Variants in PDE6A observed in about 807,000 individuals in gnomAD.
The protein encoded by PDE6A is rod cGMP-specific 3',5'-cyclic phosphodiesterase subunit alpha.
Under a neutral mutation model 106.3 loss-of-function variants are expected in PDE6A, and 84 were observed. The ratio of observed to expected loss-of-function variants is 0.79; its 90% confidence interval spans 0.66 to 0.95. The LOEUF (loss-of-function observed/expected upper bound fraction) is 0.95. PDE6A is among the 40% of genes least tolerant of loss of function. The pLI, the probability that PDE6A is intolerant of heterozygous loss-of-function variation, is 0.00. For synonymous variants in PDE6A, 394 were observed against 386.6 expected (o/e 1.02, Z -0.23); for missense variants, 1,052 against 1,084.9 (o/e 0.97, Z 0.43).
At chr5:149,869,688 A>G (rs1466709327) in intron 17 of PDE6A, among the ~76,000 whole-genome samples, 1 of 152,172 alleles carries the variant, frequency 6.6e-6, no homozygotes, top group Non-Finnish European at 1.5e-5. Context: ...GCTGTGCTGC[A>G]GGAAGGCAGC....
chr5:149,926,580 A>G (rs932466556), intron 4 of PDE6A, among the ~76,000 whole-genome samples: 2 of 152,232 alleles, frequency 1.3e-5, no homozygotes, highest in African/African-American at 4.8e-5. Flanking sequence ...TCCAGGAAAG[A>G]TTTCCTCATT....
chr5:149,901,754 G>A (rs1254516009), intron 8 of PDE6A, among the ~76,000 whole-genome samples: 3 of 152,172 alleles, frequency 2.0e-5, no homozygotes, highest in African/African-American at 7.2e-5. Context: ...TCGCATTGAT[G>A]TGGTCAAAAT....
At chr5:149,942,997 A>G (rs564822728) in intron 1 of PDE6A, among the ~76,000 whole-genome samples, 15 of 150,964 alleles carry the variant, frequency 9.9e-5, no homozygotes, top group Non-Finnish European at 1.6e-4. Flanking sequence ...TCTTAACTGC[A>G]AAGAGGCCTT....
chr5:149,932,329 G>A, intron 3 of PDE6A: 1 of 1,435,200 alleles, frequency 7.0e-7, no homozygotes, highest in Non-Finnish European at 9.8e-7. Flanking sequence ...TCATTTTGAG[G>A]GGTTGTAGGA....
At chr5:149,868,261 C>T (rs1200610845) in intron 17 of PDE6A, 103 bp from the exon 18 acceptor site, 5 of 1,170,714 alleles carry the variant, frequency 4.3e-6, no homozygotes, top group Non-Finnish European at 6.4e-6. Flanking sequence ...TAGTAGGTGA[C>T]TTTGTCTCAT....
chr5:149,885,366 G>A (rs4256335), intron 14 of PDE6A, among the ~76,000 whole-genome samples: 19,152 of 152,198 alleles, frequency 0.13, 1,305 homozygotes, highest in South Asian at 0.26. Context: ...CCTGAGCGGA[G>A]ACTCAGTTTT....
rs137853899 is a variant in PDE6A at position 149,921,689 on chromosome 5, C to A, written c.879G>T (p.Pro293=). ...AAGGTGGAACTTCACCCATCAGAACCGGCCACACATCAAAAAATTCCTAGG... is the reference window on the plus strand; with the variant it reads ...AAGGTGGAACTTCACCCATCAGAACAGGCCACACATCAAAAAATTCCTAGG... ...TKQKEFFDVW[P]VLMGEVPPYS... Residue 293 remains proline (P), a synonymous_variant, in exon 5 of 22, where the codon CCG becomes CCT. Coordinates refer to ENST00000255266, the MANE Select transcript of PDE6A (RefSeq NM_000440.3). The A allele has an allele frequency of 1.2e-6, 2 of 1,613,606 alleles. No homozygotes were observed. Among genetic ancestry groups the A allele is most frequent in the Non-Finnish European group, 1.7e-6 (2 of 1,179,668 alleles).
chr5:149,871,800 G>T (rs536858834), intron 17 of PDE6A, among the ~76,000 whole-genome samples: 133 of 152,322 alleles, frequency 8.7e-4, no homozygotes, highest in Non-Finnish European at 1.4e-3. Context: ...GTGTGGAAGG[G>T]ACAGGAGCGT....
At chr5:149,895,510 TTG>T (rs751302276) in intron 12 of PDE6A, among the ~76,000 whole-genome samples, 89 of 143,570 alleles carry the variant, frequency 6.2e-4, no homozygotes, top group Non-Finnish European at 1.1e-3. Flanking sequence ...TAAGAAGATG[TTG>T]TTGTTGTTGT....
rs1327072540 is a variant in PDE6A at position 149,868,299 on chromosome 5, A to G, written c.2136-141T>C. 7 of 793,722 alleles carry G rather than the reference A, an allele frequency of 8.8e-6. No homozygotes were observed. The East Asian group carries it at 1.9e-4, about 21-fold the overall frequency. The allele number at this position is 793,722 out of a possible 1,614,324, so 49.2% of individuals were successfully genotyped here. A position where few individuals can be genotyped will look rare whatever the true frequency, so the allele number is the denominator to read the frequency against. ...TGAGGAAAGGGCTCACCCCCATTGC[A>G]TCCAGGGGTTGGGCTTTGAAATCAA... On this transcript the variant is annotated intron_variant, in intron 17 of 21. Coordinates refer to ENST00000255266, the MANE Select transcript of PDE6A (RefSeq NM_000440.3).
intron 14 of PDE6A, among the ~76,000 whole-genome samples, chr5:149,885,731 T>C (rs1439847054): frequency 6.6e-6 from 1 of 152,242 alleles, no homozygotes; most frequent in Non-Finnish European, 1.5e-5. Context: ...CTTAATGGCT[T>C]AAAGCAATAA....
Position 149,944,184 on chromosome 5 carries a change from A to T in PDE6A, c.474+16T>A. 1 of 1,595,640 alleles carries T rather than the reference A, an allele frequency of 6.3e-7. No individual in the cohort carries two copies. The highest frequency in any genetic ancestry group is 8.6e-7 in the Non-Finnish European group (1 of 1,163,650). Reference sequence around the variant, plus strand: ...AATAATGCCCCATGCCCTCTCTCTCATGGGGAAGAGAGTACCTCCTCTGTG... The same window carrying T: ...AATAATGCCCCATGCCCTCTCTCTCTTGGGGAAGAGAGTACCTCCTCTGTG... On this transcript the variant is annotated intron_variant, in intron 1 of 21. Transcript: ENST00000255266.
chr5:149,896,565 G>C lies in PDE6A; in HGVS notation c.1474-63C>G. On this transcript the variant is annotated intron_variant, in intron 11 of 21. Coordinates refer to ENST00000255266, the MANE Select transcript of PDE6A (RefSeq NM_000440.3). ...AAGTGTTTCTGGGTGCCCACCTCCT[G>C]TCCAGCCCTGTCCCCATCCTGGGTC... is the stretch of plus-strand genomic sequence containing the variant. 3 of 1,613,868 alleles carry C rather than the reference G, an allele frequency of 1.9e-6. No individual in the cohort carries two copies. In the South Asian group the frequency reaches 3.3e-5, roughly 18 times the overall value.
chr5:149,935,989 T>G (rs1460478672), intron 1 of PDE6A, among the ~76,000 whole-genome samples: 1 of 152,052 alleles, frequency 6.6e-6, no homozygotes, highest in African/African-American at 2.4e-5. Context: ...TTGTATCTAC[T>G]AAAACTCAAA....
intron 20 of PDE6A, among the ~76,000 whole-genome samples, chr5:149,865,239 C>CAAA (rs368494356): frequency 2.7e-4 from 28 of 105,534 alleles, no homozygotes; most frequent in African/African-American, 8.6e-4. Context: ...GATTCTGTCT[C>CAAA]AAAAAAAAAA....
intron 6 of PDE6A, among the ~76,000 whole-genome samples, chr5:149,912,486 G>T (rs928341224): frequency 6.6e-6 from 1 of 152,158 alleles, no homozygotes; most frequent in Non-Finnish European, 1.5e-5. Flanking sequence ...CATGTAACTA[G>T]CTTTGACCAA....
At chr5:149,937,464 A>G (rs1754216133) in intron 1 of PDE6A, among the ~76,000 whole-genome samples, 1 of 151,858 alleles carries the variant, frequency 6.6e-6, no homozygotes, top group East Asian at 1.9e-4. Context: ...TGCAGCCTCG[A>G]CCTCCTGAGC....
At chr5:149,893,875 C>G (rs1337392184) in intron 13 of PDE6A, among the ~76,000 whole-genome samples, 3 of 152,084 alleles carry the variant, frequency 2.0e-5, no homozygotes, top group Admixed American at 2.0e-4. Flanking sequence ...ATAGCTTGCC[C>G]CTGAAAGTTC....
intron 7 of PDE6A, 54 bp downstream of exon 7, chr5:149,907,258 A>C: frequency 7.7e-7 from 1 of 1,298,170 alleles, no homozygotes; most frequent in South Asian, 1.2e-5. Context: ...AAATCCTTCC[A>C]CTCTTTCTTC....
Sources: allele counts gnomAD v4.1 joint callset (sites outside exome capture counted in the v4.1 genomes callset), GRCh38; gene constraint gnomAD v4.1.1; transcripts MANE v1.5; gene names NCBI Gene and HGNC (gene_info 2026-07-23, HGNC 2026-07-21).